SNTG1: variants seen among roughly 807,000 people sequenced by gnomAD.
The protein encoded by SNTG1 is gamma-1-syntrophin.
Under a neutral mutation model 74.7 loss-of-function variants are expected in SNTG1, and 39 were observed. The observed-to-expected ratio is 0.52, with a 90% CI of 0.40 to 0.68. The LOEUF (loss-of-function observed/expected upper bound fraction) is 0.68, where lower values mean the gene tolerates loss of function less well. SNTG1 is among the 30% of genes least tolerant of loss of function. SNTG1 has a pLI of 0.00. For synonymous variants in SNTG1, 254 were observed against 217.1 expected, an observed-to-expected ratio of 1.17 and a Z score of -1.49; for missense variants, 685 against 609.5, an observed-to-expected ratio of 1.12 and a Z score of -1.30.
chr8:50,147,148 A>G (rs2081901192), intron 1 of SNTG1, among the ~76,000 whole-genome samples: 1 of 152,218 alleles, frequency 6.6e-6, no homozygotes, highest in Admixed American at 6.5e-5. Flanking sequence ...TCTGCATGAT[A>G]CTTGGGTGGT....
chr8:50,383,049 A>G (rs954838358), intron 2 of SNTG1, among the ~76,000 whole-genome samples: 1 of 152,238 alleles, frequency 6.6e-6, no homozygotes, highest in South Asian at 2.1e-4. Context: ...TGTTAACCAC[A>G]TTAAAATACC....
intron 12 of SNTG1, among the ~76,000 whole-genome samples, chr8:50,570,599 T>C (rs2094543883): frequency 6.9e-6 from 1 of 145,648 alleles, no homozygotes; most frequent in African/African-American, 2.5e-5. Context: ...TTGTTATTAT[T>C]ATTATTATTA....
chr8:50,559,522 C>T (rs2094474931), intron 12 of SNTG1, among the ~76,000 whole-genome samples: 2 of 152,006 alleles, frequency 1.3e-5, no homozygotes, highest in African/African-American at 4.8e-5. Context: ...TGATTTATAT[C>T]CAAGTATAAG....
intron 12 of SNTG1, among the ~76,000 whole-genome samples, chr8:50,555,663 G>A (rs1183992579): frequency 1.3e-5 from 2 of 151,934 alleles, no homozygotes; most frequent in Non-Finnish European, 2.9e-5. Context: ...TGAATAGCTT[G>A]TTAATAATAG....
chr8:50,753,820 A>G (rs1277713975), intron 18 of SNTG1, among the ~76,000 whole-genome samples: 1 of 151,984 alleles, frequency 6.6e-6, no homozygotes, highest in Non-Finnish European at 1.5e-5. Context: ...AAAAATAATG[A>G]GACTGTGACA....
At chr8:50,378,842 G>A (rs890843730) in intron 2 of SNTG1, among the ~76,000 whole-genome samples, 1 of 151,998 alleles carries the variant, frequency 6.6e-6, no homozygotes, top group Admixed American at 6.5e-5. Flanking sequence ...GCTTTTACGG[G>A]CCTCAGAGGG....
chr8:50,704,078 A>G (rs1341568550), intron 15 of SNTG1, among the ~76,000 whole-genome samples: 1 of 152,088 alleles, frequency 6.6e-6, no homozygotes, highest in Non-Finnish European at 1.5e-5. Context: ...TTTTGATACA[A>G]TGAAATACAG....
intron 2 of SNTG1, among the ~76,000 whole-genome samples, chr8:50,259,650 G>T (rs2087082171): frequency 6.6e-6 from 1 of 151,682 alleles, no homozygotes; most frequent in South Asian, 2.1e-4. Context: ...TTAAAAGAAC[G>T]ACTAAAGATG....
intron 2 of SNTG1, among the ~76,000 whole-genome samples, chr8:50,347,599 A>G (rs891361735): frequency 6.6e-6 from 1 of 152,212 alleles, no homozygotes; most frequent in Non-Finnish European, 1.5e-5. Context: ...AGCTGCCAAG[A>G]TAATGATTCC....
chr8:50,230,492 T>TC (rs1218361933), intron 2 of SNTG1, among the ~76,000 whole-genome samples: 2 of 151,336 alleles, frequency 1.3e-5, no homozygotes, highest in Non-Finnish European at 3.0e-5. Context: ...ACAAACTACC[T>TC]CAACTTGTCC....
At chr8:50,191,339 G>GA (rs1363407491) in intron 2 of SNTG1, among the ~76,000 whole-genome samples, 1 of 152,052 alleles carries the variant, frequency 6.6e-6, no homozygotes, top group Non-Finnish European at 1.5e-5. Flanking sequence ...GGCAAAAGGA[G>GA]AAAAATGCTT....
chr8:50,708,813 G>A, intron 16 of SNTG1, 73 bp from the exon 17 acceptor site: 1 of 920,338 alleles, frequency 1.1e-6, no homozygotes, highest in South Asian at 1.5e-5. Flanking sequence ...TATTGCAGAA[G>A]CTGTAACATA....
In SNTG1 at chr8:49,945,827, G is replaced by T. The variant is rs1051359299; in HGVS notation, c.-103+33596G>T. Among the ~76,000 whole-genome samples the T allele has an allele frequency of 3.9e-5, 6 of 152,310 alleles. No homozygotes were observed. The South Asian group carries it at 8.3e-4, about 21-fold the overall frequency. On this transcript the variant is annotated intron_variant, in intron 1 of 18. Transcript: ENST00000642720. ...GGCCAAGCAGGAAAGGAGCAGGCCC[G>T]GACCCTTTGTGCACAGTGGGACCAA... is the stretch of plus-strand genomic sequence containing the variant.
intron 1 of SNTG1, among the ~76,000 whole-genome samples, chr8:50,026,132 T>C (rs2130716962): frequency 6.6e-6 from 1 of 152,330 alleles, no homozygotes; most frequent in Middle Eastern, 3.4e-3. Flanking sequence ...GTATGCCATT[T>C]TCAATCAACA....
Position 50,256,313 on chromosome 8 carries a change from G to C in SNTG1, c.-28+83678G>C, listed in dbSNP as rs139117834. On this transcript the variant is annotated intron_variant, in intron 2 of 18. Coordinates refer to ENST00000642720, the MANE Select transcript of SNTG1 (RefSeq NM_018967.5). ...TTTTCTTTAAGAGATGAAAAATAAAGAATAAAAAGTGAAAGACTAGTCATT... is the reference window on the plus strand; with the variant it reads ...TTTTCTTTAAGAGATGAAAAATAAACAATAAAAAGTGAAAGACTAGTCATT... 7.9e-5 allele frequency among the ~76,000 whole-genome samples: 12 copies of C among 151,784 alleles called. 1 individual carries two copies. The East Asian group carries it at 2.3e-3, about 29-fold the overall frequency.
chr8:50,630,913 T>C (rs945893384), intron 13 of SNTG1, among the ~76,000 whole-genome samples: 3 of 152,200 alleles, frequency 2.0e-5, no homozygotes, highest in African/African-American at 7.2e-5. Flanking sequence ...AAAAGTCAGA[T>C]ACATCCGAAA....
intron 9 of SNTG1, among the ~76,000 whole-genome samples, chr8:50,522,560 A>G (rs1418254352): frequency 1.3e-5 from 2 of 150,694 alleles, no homozygotes; most frequent in East Asian, 3.9e-4. Context: ...CTTGGAAGGC[A>G]GACATTGACT....
intron 1 of SNTG1, among the ~76,000 whole-genome samples, chr8:50,044,412 A>T (rs1031607437): frequency 4.6e-5 from 7 of 152,218 alleles, no homozygotes; most frequent in African/African-American, 1.7e-4. Context: ...GCCAAAATTA[A>T]ACCGGATTTC....
chr8:50,622,742 G>T (rs1001491747), intron 13 of SNTG1, among the ~76,000 whole-genome samples: 4 of 151,986 alleles, frequency 2.6e-5, no homozygotes, highest in Non-Finnish European at 5.9e-5. Context: ...AATAAAAAAG[G>T]TCGGTGGTAA....
Sources: gnomAD v4.1 joint callset for allele counts (sites outside exome capture counted in the v4.1 genomes callset) on GRCh38, gnomAD v4.1.1 for gene constraint, MANE v1.5 for transcripts, NCBI Gene and HGNC (gene_info 2026-07-23, HGNC 2026-07-21) for gene names.